ZNF667: variants seen among roughly 807,000 people sequenced by gnomAD.
ZNF667 encodes the protein zinc finger protein 667.
Under a neutral mutation model 31.8 loss-of-function variants are expected in ZNF667, and 13 were observed. The ratio of observed to expected loss-of-function variants is 0.41; its 90% CI spans 0.27 to 0.65. The LOEUF (loss-of-function observed/expected upper bound fraction) is 0.65, where lower values mean the gene tolerates loss of function less well. Among genes scored for constraint, ZNF667 ranks in the 30% least tolerant of loss-of-function variants. The pLI is 0.32. For synonymous variants in ZNF667, 228 were observed against 247.1 expected (o/e 0.92, Z 0.73); for missense variants, 642 against 725.6 (o/e 0.88, Z 1.32).
intron 2 of ZNF667, among the ~76,000 whole-genome samples, chr19:56,473,252 C>T (rs576776555): frequency 6.6e-6 from 1 of 152,354 alleles, no homozygotes; most frequent in South Asian, 2.1e-4. Context: ...GACTTAGACA[C>T]TCTATGTGTC....
chr19:56,477,730 A>C (rs2147871958), upstream of ZNF667: 1 of 152,428 alleles, frequency 6.6e-6, no homozygotes. Context: ...TCCCACAACC[A>C]CACGTTCCCG....
chr19:56,467,037 G>C (rs911868008), intron 3 of ZNF667: 1 of 456,454 alleles, frequency 2.2e-6, no homozygotes, highest in Non-Finnish European at 4.4e-6. Flanking sequence ...TTATGGTCTG[G>C]ATTGGGACCC....
chr19:56,458,756 A>G (rs1033020863), intron 5 of ZNF667, among the ~76,000 whole-genome samples: 29 of 152,152 alleles, frequency 1.9e-4, no homozygotes, highest in Non-Finnish European at 3.1e-4. Flanking sequence ...TAGAGGGTGC[A>G]TGCTCTGTGT....
Position 56,458,154 on chromosome 19 carries a change from C to T in ZNF667, c.253+1G>A. ...ATATGCCTTGGTTCTCTGTCACTCA[C>T]CAGGAGCCCGGCGTCTTCTTACTGG... On this transcript the variant is annotated splice_donor_variant, in intron 6 of 6. Coordinates refer to ENST00000504904, the MANE Select transcript of ZNF667 (RefSeq NM_001321356.2). LOFTEE classifies it high-confidence loss of function. The T allele has an allele frequency of 1.2e-6, 2 of 1,614,088 alleles. No individual in the cohort carries two copies. Among genetic ancestry groups the T allele is most frequent in the Non-Finnish European group, 1.7e-6 (2 of 1,179,926 alleles).
Position 56,442,650 on chromosome 19 carries a change from T to G in ZNF667, c.345A>C (p.Gln115His), listed in dbSNP as rs1157782498. 3.1e-6 allele frequency: 5 copies of G among 1,613,662 alleles called. No individual in the cohort carries two copies. Among genetic ancestry groups the G allele is most frequent in the Non-Finnish European group, 4.2e-6 (5 of 1,179,954 alleles). ...CACTCTTTCGTGTAGGAGCTTTTTG[T>G]TGTGCAGAAACTAGTTTCTGGCAGA... The part of the protein sequence containing the change: ...QSICQKLVSA[Q>H]QKAPTRKSGC... Residue 115 changes from glutamine to histidine, a missense_variant, in exon 7 of 7, where the codon CAA (glutamine) becomes CAC (histidine). Physicochemically the swap from Gln to His is conservative, Grantham distance 24 (BLOSUM62 0). Coordinates refer to ENST00000504904, the MANE Select transcript of ZNF667 (RefSeq NM_001321356.2).
intron 6 of ZNF667, among the ~76,000 whole-genome samples, chr19:56,453,777 A>T (rs1427205163): frequency 6.6e-6 from 1 of 152,206 alleles, no homozygotes; most frequent in Non-Finnish European, 1.5e-5. Flanking sequence ...TCAGGAAAAT[A>T]AAAAGAATGC....
At chr19:56,452,901 A>G (rs1222287171) in intron 6 of ZNF667, among the ~76,000 whole-genome samples, 2 of 151,772 alleles carry the variant, frequency 1.3e-5, no homozygotes, top group South Asian at 4.2e-4. Context: ...CCTGGGTGAC[A>G]GAGCAAGACT....
At chr19:56,464,458 C>T (rs1167343936) in intron 3 of ZNF667, among the ~76,000 whole-genome samples, 2 of 152,140 alleles carry the variant, frequency 1.3e-5, no homozygotes, top group Admixed American at 1.3e-4. Flanking sequence ...CATGCCACTG[C>T]AGTCCAGCCT....
At chr19:56,477,201 G>A (rs2043431004) in intron 1 of ZNF667, 71 bp downstream of exon 1, 2 of 152,106 alleles carry the variant, frequency 1.3e-5, no homozygotes, top group South Asian at 2.1e-4. Context: ...GCCTTGGCAG[G>A]AACGTCCACG....
intron 6 of ZNF667, among the ~76,000 whole-genome samples, chr19:56,443,894 T>C (rs1459574741): frequency 6.6e-6 from 1 of 152,198 alleles, no homozygotes; most frequent in Non-Finnish European, 1.5e-5. Context: ...GAATGTGGCA[T>C]GATAAACACA....
Position 56,440,687 on chromosome 19 carries a change from A to C in ZNF667, c.*475T>G. The C allele has an allele frequency of 1.0e-5, 8 of 765,340 alleles. No individual in the cohort carries two copies. The highest frequency in any genetic ancestry group is 1.3e-5 in the Non-Finnish European group (8 of 629,236). The allele number at this position is 765,340 out of a possible 1,614,324, so 47.4% of individuals were successfully genotyped here. ...AGTCTTGCTCTGTTGCCCAGACTGG[A>C]GTGCAGTGGTGCAATCTCTGCTCGG... On this transcript the variant is annotated 3_prime_UTR_variant, in exon 7 of 7. Transcript: ENST00000504904.
chr19:56,453,594 C>T (rs2042877966), intron 6 of ZNF667, among the ~76,000 whole-genome samples: 1 of 152,164 alleles, frequency 6.6e-6, no homozygotes, highest in Admixed American at 6.5e-5. Context: ...CATATGATCA[C>T]TTCAGTTGAC....
intron 6 of ZNF667, among the ~76,000 whole-genome samples, chr19:56,454,756 T>C (rs1371433289): frequency 2.1e-5 from 3 of 145,586 alleles, no homozygotes; most frequent in African/African-American, 7.5e-5. Flanking sequence ...TCCAGGACAT[T>C]GGTCTGGGCA....
At chr19:56,451,414 C>T (rs372700504) in intron 6 of ZNF667, among the ~76,000 whole-genome samples, 53 of 152,080 alleles carry the variant, frequency 3.5e-4, no homozygotes, top group African/African-American at 1.3e-3. Flanking sequence ...TTGCACAAAT[C>T]ATCCAGACAG....
intron 6 of ZNF667, among the ~76,000 whole-genome samples, chr19:56,457,469 C>G (rs917661101): frequency 1.3e-5 from 2 of 152,130 alleles, no homozygotes; most frequent in African/African-American, 4.8e-5. Flanking sequence ...TGACCTTGGG[C>G]AAGTCAACAA....
chr19:56,441,456 G>C lies in ZNF667; in HGVS notation c.1539C>G (p.His513Gln), dbSNP rs912382330. 1 of 1,614,198 alleles carries C rather than the reference G, an allele frequency of 6.2e-7. No homozygotes were observed. ...QCGKAFSQSA[H>Q]LAQHERIHTG... ...TGTGAATTCTTTCATGTTGGGCGAGGTGTGCACTCTGGCTGAAGGCCTTCC... is the reference window on the plus strand; with the variant it reads ...TGTGAATTCTTTCATGTTGGGCGAGCTGTGCACTCTGGCTGAAGGCCTTCC... Residue 513 changes from histidine to glutamine, a missense_variant, in exon 7 of 7, where the codon CAC (histidine) becomes CAG (glutamine). By Grantham distance (24) the His-to-Gln change is conservative (BLOSUM62 0). Coordinates refer to ENST00000504904, the MANE Select transcript of ZNF667 (RefSeq NM_001321356.2). This position sits in a 1 kb window ranked among gnomAD's most constrained non-coding sequence, Gnocchi z 4.2.
intron 1 of ZNF667, among the ~76,000 whole-genome samples, chr19:56,476,658 C>G (rs765252960): frequency 6.6e-6 from 1 of 152,146 alleles, no homozygotes; most frequent in East Asian, 1.9e-4. Context: ...ATTTCCAGGG[C>G]AGCCCATCAC....
intron 1 of ZNF667, among the ~76,000 whole-genome samples, chr19:56,476,324 G>A (rs944143709): frequency 6.6e-6 from 1 of 152,176 alleles, no homozygotes; most frequent in Non-Finnish European, 1.5e-5. Context: ...GACGACGCAG[G>A]TGGTTGGCGG....
chr19:56,460,936 T>C (rs2043032727), intron 4 of ZNF667, 121 bp from the exon 5 acceptor site: 3 of 1,078,990 alleles, frequency 2.8e-6, no homozygotes, highest in Non-Finnish European at 3.7e-6. Flanking sequence ...CAGGAAGCAT[T>C]CAGGGTTCTG....
Sources: gnomAD v4.1 joint callset for allele counts (sites outside exome capture counted in the v4.1 genomes callset) on GRCh38, gnomAD v4.1.1 for gene constraint, Gnocchi (gnomAD v3.1) non-coding constraint, MANE v1.5 for transcripts, NCBI Gene and HGNC (gene_info 2026-07-23, HGNC 2026-07-21) for gene names.